CORO2A: variants seen among roughly 807,000 people sequenced by gnomAD.
CORO2A encodes the protein coronin-2A.
In CORO2A, 47 loss-of-function variants were observed where a neutral mutation model predicts 62.4. The ratio of observed to expected loss-of-function variants is 0.75; its 90% CI spans 0.60 to 0.96. The LOEUF (loss-of-function observed/expected upper bound fraction) is 0.96. Among genes scored for constraint, CORO2A ranks in the 40% least tolerant of loss-of-function variants. CORO2A has a pLI of 0.00. For missense variants in CORO2A, 610 were observed against 684.1 expected (o/e 0.89, Z 1.21); for synonymous variants, 273 against 268.9 (o/e 1.02, Z -0.15).
chr9:98,154,598 T>A (rs1476019029), intron 2 of CORO2A, among the ~76,000 whole-genome samples: 1 of 151,986 alleles, frequency 6.6e-6, no homozygotes, highest in Non-Finnish European at 1.5e-5. Flanking sequence ...TTCATGGTAG[T>A]CTCTTCTTTG....
intron 1 of CORO2A, among the ~76,000 whole-genome samples, chr9:98,180,348 G>A (rs141324231): frequency 6.6e-6 from 1 of 152,178 alleles, no homozygotes; most frequent in African/African-American, 2.4e-5. Context: ...GCTTAGAGAA[G>A]TGCTCCCTCT....
chr9:98,149,326 C>T (rs1827692017), intron 2 of CORO2A, among the ~76,000 whole-genome samples: 1 of 152,188 alleles, frequency 6.6e-6, no homozygotes, highest in Non-Finnish European at 1.5e-5. Context: ...GATTCCCTGG[C>T]CCCACTTCAG....
intron 2 of CORO2A, among the ~76,000 whole-genome samples, chr9:98,140,807 C>A (rs1827554846): frequency 1.3e-5 from 2 of 152,174 alleles, no homozygotes; most frequent in Non-Finnish European, 2.9e-5. Context: ...TCTGGAAATA[C>A]TCTGGCTAAT....
chr9:98,146,857 C>A (rs1197175976), intron 2 of CORO2A, among the ~76,000 whole-genome samples: 1 of 152,160 alleles, frequency 6.6e-6, no homozygotes, highest in Non-Finnish European at 1.5e-5. Context: ...CATAAGGTAT[C>A]AGCATAATCA....
chr9:98,172,334 C>T (rs1430663482), intron 1 of CORO2A, among the ~76,000 whole-genome samples: 2 of 128,000 alleles, frequency 1.6e-5, no homozygotes, highest in African/African-American at 6.1e-5. Context: ...CTTCCAAGCT[C>T]AGCCCCACAC....
chr9:98,137,787 T>A, intron 2 of CORO2A, 99 bp from the exon 3 acceptor site: 2 of 884,598 alleles, frequency 2.3e-6, no homozygotes, highest in Non-Finnish European at 3.8e-6. Flanking sequence ...CAGGAAAACA[T>A]AAGGGACAGA....
chr9:98,188,453 T>C (rs561722194), intron 1 of CORO2A, among the ~76,000 whole-genome samples: 2 of 152,286 alleles, frequency 1.3e-5, no homozygotes, highest in African/African-American at 4.8e-5. Flanking sequence ...CCTTCCCCCT[T>C]TCCCCAGCAC....
chr9:98,128,092 C>T, intron 10 of CORO2A, 78 bp downstream of exon 10: 2 of 1,176,466 alleles, frequency 1.7e-6, no homozygotes, highest in Non-Finnish European at 2.5e-6. Flanking sequence ...CAGGCCCAAC[C>T]CCTCTCAATT....
intron 2 of CORO2A, among the ~76,000 whole-genome samples, chr9:98,141,355 T>A (rs947102839): frequency 4.7e-5 from 6 of 126,460 alleles, no homozygotes; most frequent in African/African-American, 1.8e-4. Context: ...GACCCTTTTT[T>A]TTTTTTTTTT....
chr9:98,176,780 C>G (rs1170760212), intron 1 of CORO2A, among the ~76,000 whole-genome samples: 4 of 152,136 alleles, frequency 2.6e-5, no homozygotes, highest in Non-Finnish European at 5.9e-5. Context: ...AACAAAAGCA[C>G]TAGCCAGACC....
chr9:98,180,897 A>C (rs1195783932), intron 1 of CORO2A, among the ~76,000 whole-genome samples: 2 of 152,218 alleles, frequency 1.3e-5, no homozygotes, highest in Non-Finnish European at 2.9e-5. Context: ...ACCTTTGCTG[A>C]AAGACCAGCT....
intron 1 of CORO2A, among the ~76,000 whole-genome samples, chr9:98,159,420 T>C (rs767575095): frequency 2.0e-5 from 3 of 152,134 alleles, no homozygotes; most frequent in Non-Finnish European, 2.9e-5. Flanking sequence ...GGCTTGGCAT[T>C]CAAGGCCTCT....
chr9:98,161,348 G>T (rs1212418156), intron 1 of CORO2A, among the ~76,000 whole-genome samples: 1 of 152,136 alleles, frequency 6.6e-6, no homozygotes, highest in African/African-American at 2.4e-5. Context: ...GAGGTCAGGA[G>T]TTCGAGACCA....
intron 2 of CORO2A, among the ~76,000 whole-genome samples, chr9:98,143,644 G>C (rs1328882718): frequency 6.6e-6 from 1 of 152,194 alleles, no homozygotes; most frequent in Non-Finnish European, 1.5e-5. Context: ...CCCAGTACTT[G>C]CTAAGTACTC....
At chr9:98,161,423 G>A (rs111443650) in intron 1 of CORO2A, among the ~76,000 whole-genome samples, 1,860 of 152,142 alleles carry the variant, frequency 0.012, 36 homozygotes, top group African/African-American at 0.043. Flanking sequence ...GTGTGGTGGC[G>A]CGCGCCTGTA....
At chr9:98,155,299 C>T (rs1361373803) in intron 2 of CORO2A, among the ~76,000 whole-genome samples, 1 of 149,700 alleles carries the variant, frequency 6.7e-6, no homozygotes. Flanking sequence ...TATAGCTCGC[C>T]TTTCCTTTTG....
At chr9:98,169,073 G>C (rs1376861766) in intron 1 of CORO2A, among the ~76,000 whole-genome samples, 1 of 152,186 alleles carries the variant, frequency 6.6e-6, no homozygotes, top group Non-Finnish European at 1.5e-5. Context: ...CCCAGGCAGG[G>C]AAGCAGAGCG....
intron 2 of CORO2A, among the ~76,000 whole-genome samples, chr9:98,140,355 G>A (rs576481540): frequency 6.6e-6 from 1 of 152,070 alleles, no homozygotes; most frequent in South Asian, 2.1e-4. Context: ...TTTTCTAGAG[G>A]GACTTTCAAG....
Position 98,128,218 on chromosome 9 carries a change from C to T in CORO2A, c.1123G>A (p.Ala375Thr), listed in dbSNP as rs1301168758. 23 of 1,613,620 alleles carry T rather than the reference C, an allele frequency of 1.4e-5. No individual in the cohort carries two copies. Among genetic ancestry groups the T allele is most frequent in the Non-Finnish European group, 1.9e-5 (22 of 1,179,736 alleles). The change falls in exon 10 of 12, where the codon GCC becomes ACC. Residue 375 changes from alanine (A) to threonine (T), a missense_variant. Coordinates refer to ENST00000375077, the MANE Select transcript of CORO2A (RefSeq NM_052820.4). ...QEDIYPPTAG[A>T]QPSLTAQEWL... ...TCCTGGGCCGTCAGGGAGGGCTGGG[C>T]CCCTGCTGTTGGAGGGTATATGTCC...
Sources: allele counts gnomAD v4.1 joint callset (sites outside exome capture counted in the v4.1 genomes callset), GRCh38; gene constraint gnomAD v4.1.1; transcripts MANE v1.5; gene names NCBI Gene and HGNC (gene_info 2026-07-23, HGNC 2026-07-21).